CSMD1: variants seen among roughly 807,000 people sequenced by gnomAD.
CSMD1 encodes the protein CUB and sushi domain-containing protein 1.
Under a neutral mutation model 417.5 loss-of-function variants are expected in CSMD1, and 213 were observed. That is an observed-to-expected ratio of 0.51 (90% confidence interval 0.46 to 0.57). The LOEUF is 0.57. Among genes scored for constraint, CSMD1 ranks in the 20% least tolerant of loss-of-function variants. The pLI is 0.00. For missense variants in CSMD1, 6,923 were observed against 4,529.7 expected (o/e 1.53, Z -15.17); for synonymous variants, 2,862 against 1,736.8 (o/e 1.65, Z -16.11).
At position 4,441,825 on chromosome 8, in the gene CSMD1, G is replaced by C. The variant is rs536782484; in HGVS notation, c.303-21760C>G. Among the ~76,000 whole-genome samples, 11 of 152,272 alleles carry C rather than the reference G, an allele frequency of 7.2e-5. No individual in the cohort carries two copies. The South Asian group carries it at 2.1e-3, about 29-fold the overall frequency. On this transcript the variant is annotated intron_variant, in intron 2 of 69. Coordinates refer to ENST00000635120, the MANE Select transcript of CSMD1 (RefSeq NM_033225.6). Reference sequence around the variant, plus strand: ...AAATAAGGTTCAATCAAACACTGAAGTTTGAGTAATAAAAGCATGAACGAA... The same window carrying C: ...AAATAAGGTTCAATCAAACACTGAACTTTGAGTAATAAAAGCATGAACGAA...
intron 17 of CSMD1, among the ~76,000 whole-genome samples, chr8:3,393,049 T>C (rs899661741): frequency 1.3e-5 from 2 of 152,196 alleles, no homozygotes; most frequent in African/African-American, 4.8e-5. Context: ...TACATTTCCA[T>C]ATGTCTCTTC....
intron 41 of CSMD1, among the ~76,000 whole-genome samples, chr8:3,134,297 G>C (rs940756713): frequency 2.0e-5 from 3 of 152,246 alleles, no homozygotes; most frequent in Non-Finnish European, 4.4e-5. Context: ...ATGTTAGGCA[G>C]TTCCTGAACC....
intron 1 of CSMD1, among the ~76,000 whole-genome samples, chr8:4,712,138 G>A (rs140010714): frequency 6.6e-6 from 1 of 152,170 alleles, no homozygotes; most frequent in African/African-American, 2.4e-5. Flanking sequence ...GGTTGAAGCT[G>A]GATGGCATAG....
chr8:4,024,110 T>A (rs1157141714), intron 4 of CSMD1, among the ~76,000 whole-genome samples: 1 of 152,074 alleles, frequency 6.6e-6, no homozygotes, highest in African/African-American at 2.4e-5. Context: ...TCTTACTAAA[T>A]GGAAAGACAA....
At chr8:4,131,584 A>G (rs143887829) in intron 3 of CSMD1, among the ~76,000 whole-genome samples, 4 of 152,274 alleles carry the variant, frequency 2.6e-5, no homozygotes, top group African/African-American at 9.6e-5. Context: ...GATAAACTGC[A>G]TAGTCCCTAA....
intron 68 of CSMD1, among the ~76,000 whole-genome samples, chr8:2,944,530 T>C (rs1261565141): frequency 6.6e-6 from 1 of 152,178 alleles, no homozygotes; most frequent in Non-Finnish European, 1.5e-5. Flanking sequence ...ACAGAGGGAA[T>C]GTTCACACGG....
At chr8:4,462,263 A>C (rs954845647) in intron 2 of CSMD1, among the ~76,000 whole-genome samples, 1 of 152,070 alleles carries the variant, frequency 6.6e-6, no homozygotes, top group Non-Finnish European at 1.5e-5. Flanking sequence ...GCATCTAAAA[A>C]CTCCAAAATA....
intron 3 of CSMD1, among the ~76,000 whole-genome samples, chr8:4,398,916 C>G (rs905059459): frequency 6.6e-6 from 1 of 152,060 alleles, no homozygotes; most frequent in African/African-American, 2.4e-5. Context: ...ATTCACAAAT[C>G]CATTTAAGAT....
chr8:3,365,257 G>C (rs917934831), intron 20 of CSMD1, among the ~76,000 whole-genome samples: 4 of 152,192 alleles, frequency 2.6e-5, no homozygotes, highest in African/African-American at 4.8e-5. Flanking sequence ...AGCCAGTCTT[G>C]AAAGCTTCAC....
chr8:4,369,615 G>C (rs544881559), intron 3 of CSMD1, among the ~76,000 whole-genome samples: 6 of 152,220 alleles, frequency 3.9e-5, no homozygotes, highest in African/African-American at 7.2e-5. Flanking sequence ...TTATGACTAT[G>C]AGTGCTCCCA....
intron 12 of CSMD1, among the ~76,000 whole-genome samples, chr8:3,464,486 A>C (rs1447136297): frequency 6.6e-6 from 1 of 151,898 alleles, no homozygotes; most frequent in East Asian, 1.9e-4. Context: ...TAAAATGGAG[A>C]AACTATGCCC....
At chr8:4,974,795 G>C (rs1810450706) in intron 1 of CSMD1, among the ~76,000 whole-genome samples, 1 of 152,068 alleles carries the variant, frequency 6.6e-6, no homozygotes, top group African/African-American at 2.4e-5. Context: ...AGGAAAATAT[G>C]GGATGATAAA....
intron 10 of CSMD1, among the ~76,000 whole-genome samples, chr8:3,505,283 T>A (rs146622841): frequency 6.6e-6 from 1 of 152,098 alleles, no homozygotes; most frequent in African/African-American, 2.4e-5. Context: ...AACATTTACA[T>A]CAATCAACCA....
intron 12 of CSMD1, among the ~76,000 whole-genome samples, chr8:3,411,415 T>A (rs148891985): frequency 2.6e-4 from 40 of 152,118 alleles, no homozygotes; most frequent in Middle Eastern, 3.4e-3. Context: ...TATGCTGCGT[T>A]CATTTTGTAG....
At chr8:4,966,209 C>CAAAAAAAAAAAAAAAAAAA (rs33941630) in intron 1 of CSMD1, among the ~76,000 whole-genome samples, 6 of 89,138 alleles carry the variant, frequency 6.7e-5, no homozygotes, top group African/African-American at 1.6e-4. Context: ...ACTAAATATA[C>CAAAAAAAAAAAAAAAAAAA]AAAAAAAAAA....
rs1478382678 is a variant in CSMD1 at position 4,142,364 on chromosome 8, C to T, written c.416-110265G>A. On this transcript the variant is annotated intron_variant, in intron 3 of 69. Transcript: ENST00000635120. ...CGAGGTTATGATATTTGGCTGTAGG[C>T]AAATATTAGAGGCCTCAGGGAGAGG... Among the ~76,000 whole-genome samples, 6 of 150,966 alleles carry T rather than the reference C, an allele frequency of 4.0e-5. 1 individual carries two copies. The highest frequency in any genetic ancestry group is 1.2e-4 in the African/African-American group (5 of 40,370).
At chr8:3,648,670 G>C (rs769748365) in intron 7 of CSMD1, among the ~76,000 whole-genome samples, 5 of 152,096 alleles carry the variant, frequency 3.3e-5, no homozygotes, top group African/African-American at 7.2e-5. Context: ...TGAAACATAC[G>C]GCTATACCAA....
At chr8:3,164,519 G>T (rs971848053) in intron 37 of CSMD1, among the ~76,000 whole-genome samples, 5 of 152,032 alleles carry the variant, frequency 3.3e-5, no homozygotes, top group Admixed American at 1.3e-4. Flanking sequence ...TTAGAACATA[G>T]ATTACTACAT....
At chr8:3,720,620 T>TTCTCTC (rs72331833) in intron 6 of CSMD1, among the ~76,000 whole-genome samples, 4 of 143,322 alleles carry the variant, frequency 2.8e-5, no homozygotes, top group African/African-American at 5.3e-5. Context: ...TCTTTATTCT[T>TTCTCTC]ACACACACAC....
Sources: allele counts gnomAD v4.1 joint callset (sites outside exome capture counted in the v4.1 genomes callset), GRCh38; gene constraint gnomAD v4.1.1; transcripts MANE v1.5; gene names NCBI Gene and HGNC (gene_info 2026-07-23, HGNC 2026-07-21).